The following BCHE variants were observed in gnomAD, a reference collection of about 807,000 sequenced individuals.
The protein encoded by BCHE is butyrylcholinesterase.
Under a neutral mutation model 51.3 loss-of-function variants are expected in BCHE, and 48 were observed. That is an observed-to-expected ratio of 0.94 (90% confidence interval 0.74 to 1.19). The LOEUF (loss-of-function observed/expected upper bound fraction) is 1.19, where lower values mean the gene tolerates loss of function less well. Ranked by LOEUF, BCHE falls within the 50% of genes most tolerant of loss-of-function variation. BCHE has a pLI of 0.00. For missense variants in BCHE, 847 were observed against 708.2 expected, an observed-to-expected ratio of 1.20 and a Z score of -2.23; for synonymous variants, 251 against 238.0, an observed-to-expected ratio of 1.05 and a Z score of -0.50.
At chr3:165,807,546 AT>A (rs1265669741) in intron 2 of BCHE, among the ~76,000 whole-genome samples, 1 of 150,392 alleles carries the variant, frequency 6.6e-6, no homozygotes, top group Admixed American at 6.6e-5. Flanking sequence ...TTATTTATTT[AT>A]TTTTATTTAT....
chr3:165,784,914 T>G (rs1366111756), intron 3 of BCHE, among the ~76,000 whole-genome samples: 1 of 151,742 alleles, frequency 6.6e-6, no homozygotes, highest in Admixed American at 6.6e-5. Flanking sequence ...TATTAATGAG[T>G]TACCTCATCG....
chr3:165,822,767 T>C (rs780952385), intron 2 of BCHE, among the ~76,000 whole-genome samples: 2 of 152,140 alleles, frequency 1.3e-5, no homozygotes, highest in East Asian at 1.9e-4. Flanking sequence ...ACTTCCATTT[T>C]ATACTATCTT....
chr3:165,825,697 C>T (rs1403646670), intron 2 of BCHE, among the ~76,000 whole-genome samples: 1 of 151,916 alleles, frequency 6.6e-6, no homozygotes, highest in Non-Finnish European at 1.5e-5. Context: ...TGCTATCCCT[C>T]CCCGCTCACC....
Position 165,829,864 on chromosome 3 carries a change from A to T in BCHE, c.1170T>A (p.Ser390Arg). The T allele has an allele frequency of 6.2e-7, 1 of 1,612,346 alleles. No individual in the cohort carries two copies. The highest frequency in any genetic ancestry group is 1.1e-5 in the South Asian group (1 of 90,882). Residue 390 changes from serine to arginine, a missense_variant, in exon 2 of 4, where the codon AGT (serine) becomes AGA (arginine). By Grantham distance (110) the Ser-to-Arg change is moderately radical. Coordinates refer to ENST00000264381, the MANE Select transcript of BCHE (RefSeq NM_000055.4). ...AAAGGATGGATTCCTTTCCAAACTC[A>T]CTCACTCCTGGAAAAAATATTTTTA... ...EGLKIFFPGVSEFGKESILFH... is the reference protein window; with the variant it reads ...EGLKIFFPGVREFGKESILFH...
chr3:165,828,663 A>T (rs568048678), intron 2 of BCHE, among the ~76,000 whole-genome samples: 93 of 152,148 alleles, frequency 6.1e-4, no homozygotes, highest in South Asian at 1.0e-3. Flanking sequence ...TATTTTTTTT[A>T]AATTATTCAC....
At chr3:165,804,055 A>AG (rs1352508405) in intron 2 of BCHE, among the ~76,000 whole-genome samples, 5 of 93,390 alleles carry the variant, frequency 5.4e-5, no homozygotes, top group Non-Finnish European at 1.1e-4. Context: ...TAGAAAGGTT[A>AG]GAAAAAAAAA....
At chr3:165,825,069 C>A (rs1241695609) in intron 2 of BCHE, among the ~76,000 whole-genome samples, 1 of 151,556 alleles carries the variant, frequency 6.6e-6, no homozygotes, top group Admixed American at 6.6e-5. Context: ...CCTTTAAACT[C>A]TCCAATTAAA....
rs1359944340 is a variant in BCHE at position 165,831,175 on chromosome 3, A to AAAAAT, written c.-8-135_-8-134insATTTT. ...GAAAACAAATAAACCTGCTTCTGTA[A>AAAAAT]AGGCCTACATAGGAAAAAATAGAAA... is the stretch of plus-strand genomic sequence containing the variant. On this transcript the variant is annotated intron_variant, in intron 1 of 3. Transcript: ENST00000264381. 10 of 798,776 alleles carry AAAAAT rather than the reference A, an allele frequency of 1.3e-5. No individual in the cohort carries two copies. The East Asian group carries it at 2.7e-4, about 22-fold the overall frequency. 49.5% of individuals were successfully genotyped at this position (798,776 alleles called of 1,614,324 possible).
chr3:165,825,450 T>C (rs1311226511), intron 2 of BCHE, among the ~76,000 whole-genome samples: 3 of 151,788 alleles, frequency 2.0e-5, no homozygotes, highest in African/African-American at 4.8e-5. Context: ...TTTGATAAGA[T>C]GGAAATAAAT....
chr3:165,815,965 TTGCCTTCTGCCTA>T (rs1488067924), intron 2 of BCHE, among the ~76,000 whole-genome samples: 2 of 152,010 alleles, frequency 1.3e-5, no homozygotes, highest in African/African-American at 2.4e-5. Flanking sequence ...GTAAGGTTAC[TTGCCTTCTGCCTA>T]TGCCTTCTTA....
intron 2 of BCHE, among the ~76,000 whole-genome samples, chr3:165,799,968 T>C (rs1713573746): frequency 1.3e-5 from 2 of 152,102 alleles, no homozygotes; most frequent in Non-Finnish European, 2.9e-5. Flanking sequence ...TTTTCTACTA[T>C]TTGAAAGTGT....
chr3:165,815,662 C>A (rs1206076915), intron 2 of BCHE, among the ~76,000 whole-genome samples: 1 of 151,994 alleles, frequency 6.6e-6, no homozygotes, highest in East Asian at 1.9e-4. Context: ...TTAGAATATC[C>A]TGACTATACA....
rs567549385 is a variant in BCHE, at chr3:165,800,515, C to T, written c.1518-14204G>A. 2.0e-5 allele frequency among the ~76,000 whole-genome samples: 3 copies of T among 152,090 alleles called. No individual in the cohort carries two copies. In the East Asian group the frequency reaches 5.8e-4, roughly 29 times the overall value. Reference sequence around the variant, plus strand: ...TTTTACCCAGGGTTTCTCTGCTTTTCCTATAGAATAAATTTAAATTCTCCC... The same window carrying T: ...TTTTACCCAGGGTTTCTCTGCTTTTTCTATAGAATAAATTTAAATTCTCCC... On this transcript the variant is annotated intron_variant, in intron 2 of 3. Transcript: ENST00000264381.
intron 2 of BCHE, among the ~76,000 whole-genome samples, chr3:165,818,063 A>G (rs1258457555): frequency 6.6e-6 from 1 of 152,102 alleles, no homozygotes; most frequent in East Asian, 1.9e-4. Flanking sequence ...CTTTCATTCA[A>G]AAATGTCTAT....
At chr3:165,814,204 T>G (rs541623456) in intron 2 of BCHE, among the ~76,000 whole-genome samples, 93 of 150,922 alleles carry the variant, frequency 6.2e-4, no homozygotes, top group African/African-American at 2.2e-3. Context: ...AGTTTAAGGT[T>G]TTACAAATAA....
At chr3:165,808,955 CATA>C (rs1327541127) in intron 2 of BCHE, among the ~76,000 whole-genome samples, 2 of 151,834 alleles carry the variant, frequency 1.3e-5, no homozygotes, top group African/African-American at 4.8e-5. Flanking sequence ...GAAAGTAAAA[CATA>C]AGAAAAAAGG....
intron 3 of BCHE, among the ~76,000 whole-genome samples, chr3:165,781,165 C>T (rs1219303482): frequency 1.3e-5 from 2 of 152,052 alleles, no homozygotes; most frequent in East Asian, 1.9e-4. Flanking sequence ...GCAGGAACAT[C>T]GCTTGAACCC....
intron 3 of BCHE, among the ~76,000 whole-genome samples, chr3:165,782,462 T>C (rs1385869060): frequency 1.3e-5 from 2 of 149,932 alleles, no homozygotes; most frequent in African/African-American, 2.5e-5. Context: ...CACTTCTTTG[T>C]GATCTTTGTT....
At chr3:165,798,269 G>T (rs1218353110) in intron 2 of BCHE, among the ~76,000 whole-genome samples, 1 of 151,992 alleles carries the variant, frequency 6.6e-6, no homozygotes, top group Non-Finnish European at 1.5e-5. Context: ...CAAAGTGTGT[G>T]TCTGTGTGTG....
Sources: allele counts gnomAD v4.1 joint callset (sites outside exome capture counted in the v4.1 genomes callset), GRCh38; gene constraint gnomAD v4.1.1; transcripts MANE v1.5; gene names NCBI Gene and HGNC (gene_info 2026-07-23, HGNC 2026-07-21).